Variants in PRKAG2 observed in about 807,000 individuals in gnomAD.
PRKAG2 encodes the protein protein kinase AMP-activated non-catalytic subunit gamma 2, also known as 5'-AMP-activated protein kinase subunit gamma-2.
Under a neutral mutation model 69.6 loss-of-function variants are expected in PRKAG2, and 26 were observed. The ratio of observed to expected loss-of-function variants is 0.37; its 90% CI spans 0.27 to 0.52. The LOEUF is 0.52. Among genes scored for constraint, PRKAG2 ranks in the 20% least tolerant of loss-of-function variants. The pLI is 0.90. For synonymous variants in PRKAG2, 293 were observed against 285.0 expected, an observed-to-expected ratio of 1.03 and a Z score of -0.28; for missense variants, 557 against 740.0, an observed-to-expected ratio of 0.75 and a Z score of 2.87.
At chr7:151,620,530 T>C (rs188592580) in intron 5 of PRKAG2, among the ~76,000 whole-genome samples, 6 of 152,116 alleles carry the variant, frequency 3.9e-5, no homozygotes, top group Admixed American at 1.3e-4. Flanking sequence ...CAGGCTAGAG[T>C]GCAGTGGCAT....
intron 1 of PRKAG2, among the ~76,000 whole-genome samples, chr7:151,842,866 T>C (rs1189955204): frequency 6.6e-6 from 1 of 151,934 alleles, no homozygotes; most frequent in South Asian, 2.1e-4. Context: ...AACTCTGATC[T>C]TCTCAATTCA....
chr7:151,874,443 ATATGTATATGATG>A lies in PRKAG2; in HGVS notation c.114+2051_114+2063del, dbSNP rs1265548550. 5.0e-5 allele frequency among the ~76,000 whole-genome samples: 2 copies of A among 39,704 alleles called. 1 individual carries two copies. The highest frequency in any genetic ancestry group is 1.4e-4 in the African/African-American group (2 of 14,114). 26.0% of individuals were successfully genotyped at this position (39,704 alleles called of 152,430 possible). A position where few individuals can be genotyped will look rare whatever the true frequency, so the allele number is the denominator to read the frequency against. On this transcript the variant is annotated intron_variant, in intron 1 of 15. Transcript: ENST00000287878. ...ATGTATATGTATATGATGTATATGT[ATATGTATATGATG>A]TATATGTATATGTATATGATGTATA...
At position 151,874,127 on chromosome 7, in the gene PRKAG2, G is replaced by GTATATGATGTAT. The variant is rs1586761152; in HGVS notation, c.114+2379_114+2380insATACATCATATA. ...ATATGATGTATATGTATATGTATAT[G>GTATATGATGTAT]ATGTATATGTATATATGTATATGTA... is the stretch of plus-strand genomic sequence containing the variant. On this transcript the variant is annotated intron_variant, in intron 1 of 15. Transcript: ENST00000287878. Among the ~76,000 whole-genome samples the GTATATGATGTAT allele has an allele frequency of 3.6e-5, 5 of 138,298 alleles. No individual in the cohort carries two copies. In the East Asian group the frequency reaches 1.1e-3, roughly 31 times the overall value. The allele number at this position is 138,298 out of a possible 152,430, so 90.7% of individuals were successfully genotyped here.
At chr7:151,602,672 G>GATA (rs1314331983) in intron 5 of PRKAG2, among the ~76,000 whole-genome samples, 1 of 152,118 alleles carries the variant, frequency 6.6e-6, no homozygotes, top group Non-Finnish European at 1.5e-5. Flanking sequence ...TTACGTTATT[G>GATA]ATATGGTTTG....
At chr7:151,721,658 G>T (rs1464459210) in intron 3 of PRKAG2, among the ~76,000 whole-genome samples, 1 of 152,214 alleles carries the variant, frequency 6.6e-6, no homozygotes, top group Non-Finnish European at 1.5e-5. Context: ...CCAGGGAGCA[G>T]CAGGGTAGGC....
rs552570868 is a variant in PRKAG2 at position 151,828,041 on chromosome 7, C to G, written c.115-41500G>C. Among the ~76,000 whole-genome samples the G allele has an allele frequency of 3.3e-5, 5 of 152,214 alleles. No individual in the cohort carries two copies. The highest frequency in any genetic ancestry group is 6.5e-5 in the Admixed American group (1 of 15,276). ...AACATGAGCCTGGGGTGTGATCTCACCTTGGAACAAAGGAGGAATCCCAAG... is the reference window on the plus strand; with the variant it reads ...AACATGAGCCTGGGGTGTGATCTCAGCTTGGAACAAAGGAGGAATCCCAAG... On this transcript the variant is annotated intron_variant, in intron 1 of 15. Coordinates refer to ENST00000287878, the MANE Select transcript of PRKAG2 (RefSeq NM_016203.4). The surrounding 1 kb of genome is among the most constrained non-coding windows in gnomAD (Gnocchi z 4.6).
chr7:151,662,495 G>A lies in PRKAG2; in HGVS notation c.684+12925C>T, dbSNP rs1830471914. Among the ~76,000 whole-genome samples the A allele has an allele frequency of 2.6e-5, 4 of 152,138 alleles. No individual in the cohort carries two copies. In the South Asian group the frequency reaches 8.3e-4, roughly 32 times the overall value. Reference sequence around the variant, plus strand: ...CCTTCCTCTGAATCTCCACTCCTGTGGCTGTAATTCAGCCTTTTGTCACCT... The same window carrying A: ...CCTTCCTCTGAATCTCCACTCCTGTAGCTGTAATTCAGCCTTTTGTCACCT... On this transcript the variant is annotated intron_variant, in intron 4 of 15. Transcript: ENST00000287878.
At chr7:151,669,770 GCA>G (rs1384406836) in intron 4 of PRKAG2, among the ~76,000 whole-genome samples, 4 of 138,872 alleles carry the variant, frequency 2.9e-5, no homozygotes, top group African/African-American at 8.1e-5. Context: ...ACACACCTGT[GCA>G]CACACTTGCA....
intron 3 of PRKAG2, among the ~76,000 whole-genome samples, chr7:151,687,562 G>C (rs534559487): frequency 1.2e-4 from 18 of 152,314 alleles, no homozygotes; most frequent in African/African-American, 4.1e-4. Flanking sequence ...TGATAGTCTG[G>C]AATGGGCCAG....
chr7:151,724,306 A>T (rs545449629), intron 3 of PRKAG2, among the ~76,000 whole-genome samples: 2 of 152,228 alleles, frequency 1.3e-5, no homozygotes, highest in South Asian at 2.1e-4. Flanking sequence ...CCTTTCACAG[A>T]CACAGCCAGA....
intron 6 of PRKAG2, among the ~76,000 whole-genome samples, chr7:151,578,119 C>G (rs1419622115): frequency 1.3e-5 from 2 of 151,672 alleles, no homozygotes; most frequent in African/African-American, 2.4e-5. Flanking sequence ...CCGAGATGGG[C>G]AGATCACCTG....
At chr7:151,842,954 C>A (rs753066652) in intron 1 of PRKAG2, among the ~76,000 whole-genome samples, 1 of 152,030 alleles carries the variant, frequency 6.6e-6, no homozygotes. Flanking sequence ...CCTGTCCCTA[C>A]TTTGGGACAC....
In PRKAG2 at chr7:151,556,682, T is replaced by A. The variant is rs1323625108; in HGVS notation, c.*519A>T. 1 of 156,228 alleles carries A rather than the reference T, an allele frequency of 6.4e-6. No homozygotes were observed. Among genetic ancestry groups the A allele is most frequent in the Non-Finnish European group, 1.4e-5 (1 of 70,254 alleles). 9.7% of individuals were successfully genotyped at this position (156,228 alleles called of 1,614,324 possible). On this transcript the variant is annotated 3_prime_UTR_variant, in exon 16 of 16. Transcript: ENST00000287878. ...CTTACGTGTAAAAGTGTCATTACAA[T>A]TTTAAAGTAATTATTTATATTCAAA...
chr7:151,845,924 T>A (rs1211200288), intron 1 of PRKAG2, among the ~76,000 whole-genome samples: 1 of 152,124 alleles, frequency 6.6e-6, no homozygotes, highest in Non-Finnish European at 1.5e-5. Context: ...ACACACAGTG[T>A]GTATGGTCCC....
At chr7:151,697,007 C>T (rs1836789348) in intron 3 of PRKAG2, among the ~76,000 whole-genome samples, 1 of 151,980 alleles carries the variant, frequency 6.6e-6, no homozygotes, top group Non-Finnish European at 1.5e-5. Context: ...GCCCCCAGAG[C>T]GCAGGCCCAG....
At chr7:151,563,376 G>C (rs924836562) in intron 14 of PRKAG2, among the ~76,000 whole-genome samples, 15 of 152,152 alleles carry the variant, frequency 9.9e-5, no homozygotes, top group African/African-American at 3.6e-4. Flanking sequence ...GCAGGAAACT[G>C]GGAGTTACTA....
At chr7:151,773,590 T>G (rs1445214961) in intron 3 of PRKAG2, among the ~76,000 whole-genome samples, 1 of 152,210 alleles carries the variant, frequency 6.6e-6, no homozygotes, top group African/African-American at 2.4e-5. Flanking sequence ...ACACACAGAC[T>G]TTTATAAGGA....
chr7:151,861,529 A>AAAAAAAG, intron 1 of PRKAG2, among the ~76,000 whole-genome samples: 1 of 57,516 alleles, frequency 1.7e-5, no homozygotes, highest in South Asian at 3.2e-4. Flanking sequence ...CTCTGTCTCC[A>AAAAAAAG]AAAAAAAAAA....
intron 3 of PRKAG2, among the ~76,000 whole-genome samples, chr7:151,767,683 C>A (rs139066152): frequency 2.0e-5 from 3 of 152,240 alleles, no homozygotes; most frequent in African/African-American, 7.2e-5. Flanking sequence ...CATCCACACT[C>A]GCTTAGATAT....
Sources: allele counts gnomAD v4.1 joint callset (sites outside exome capture counted in the v4.1 genomes callset), GRCh38; gene constraint gnomAD v4.1.1; non-coding constraint Gnocchi (gnomAD v3.1); transcripts MANE v1.5; gene names NCBI Gene and HGNC (gene_info 2026-07-23, HGNC 2026-07-21).